Variants in DPP3 observed in about 807,000 individuals in gnomAD.
DPP3 encodes dipeptidyl peptidase 3.
Under a neutral mutation model 89.8 loss-of-function variants are expected in DPP3, and 64 were observed. That is an observed-to-expected ratio of 0.71 (90% confidence interval 0.58 to 0.88). The LOEUF (loss-of-function observed/expected upper bound fraction) is 0.88. Ranked by LOEUF, DPP3 falls within the 40% of genes least tolerant of loss-of-function variation. The pLI is 0.00. For synonymous variants in DPP3, 377 were observed against 404.3 expected, an observed-to-expected ratio of 0.93 and a Z score of 0.81; for missense variants, 835 against 972.5, an observed-to-expected ratio of 0.86 and a Z score of 1.88.
At chr11:66,483,380 T>C (rs369610348) in intron 2 of DPP3, among the ~76,000 whole-genome samples, 6 of 152,330 alleles carry the variant, frequency 3.9e-5, no homozygotes, top group South Asian at 4.1e-4. Context: ...TATGTGTATA[T>C]GCATGGTGAA....
chr11:66,495,900 C>A, intron 15 of DPP3, 150 bp downstream of exon 15: 1 of 1,333,846 alleles, frequency 7.5e-7, no homozygotes, highest in Non-Finnish European at 1.0e-6. Flanking sequence ...TCACATCACT[C>A]TTGTGAGCCC....
chr11:66,491,476 G>A lies in DPP3; in HGVS notation c.799-18G>A, dbSNP rs746101640. 96 of 1,597,024 alleles carry A rather than the reference G, an allele frequency of 6.0e-5. 1 individual carries two copies. Among genetic ancestry groups the A allele is most frequent in the Non-Finnish European group, 8.0e-5 (93 of 1,169,164 alleles). On this transcript the variant is annotated intron_variant, in intron 7 of 17. Coordinates refer to ENST00000531863, the MANE Select transcript of DPP3 (RefSeq NM_130443.4). Reference sequence around the variant, plus strand: ...GTGGGTGGGTGGCCCGAGGCTGACCGACCCCCGCTCACCTCAGGCCTATGC... The same window carrying A: ...GTGGGTGGGTGGCCCGAGGCTGACCAACCCCCGCTCACCTCAGGCCTATGC...
intron 16 of DPP3, among the ~76,000 whole-genome samples, chr11:66,502,215 A>T (rs1855695205): frequency 6.6e-6 from 1 of 151,990 alleles, no homozygotes; most frequent in African/African-American, 2.4e-5. Context: ...AATATCAAGG[A>T]TAGTGGTTTC....
rs1389448115 is a variant in DPP3 at position 66,509,285 on chromosome 11, G to C, written c.*34G>C. 2 of 1,577,010 alleles carry C rather than the reference G, an allele frequency of 1.3e-6. No homozygotes were observed. Among genetic ancestry groups the C allele is most frequent in the Non-Finnish European group, 8.6e-7 (1 of 1,160,420 alleles). ...TGTGGCCTTGCCCCCAATTCCATCA[G>C]ACCAAGGCTGCAAGTGGCCCTCCAT... On this transcript the variant is annotated 3_prime_UTR_variant, in exon 18 of 18. Coordinates refer to ENST00000531863, the MANE Select transcript of DPP3 (RefSeq NM_130443.4).
At position 66,491,588 on chromosome 11, in the gene DPP3, G is replaced by T. The variant is rs201367893; in HGVS notation, c.893G>T (p.Arg298Leu). The T allele has an allele frequency of 1.2e-6, 2 of 1,613,836 alleles. No homozygotes were observed. Among genetic ancestry groups the T allele is most frequent in the Non-Finnish European group, 1.7e-6 (2 of 1,179,834 alleles). ...ATCGAGGCCCACAAGAGGGGCTCCC[G>T]CTTCTGGATCCAGGACAAAGGCCCC... ...GSIEAHKRGS[R>L]FWIQDKGPIV... Residue 298 changes from arginine (R) to leucine (L), a missense_variant, in exon 8 of 18, where the codon CGC becomes CTC. By Grantham distance (102) the Arg-to-Leu change is moderately radical (BLOSUM62 -2). Coordinates refer to ENST00000531863, the MANE Select transcript of DPP3 (RefSeq NM_130443.4).
chr11:66,481,877 A>G (rs746857364), intron 1 of DPP3, among the ~76,000 whole-genome samples: 5 of 151,970 alleles, frequency 3.3e-5, no homozygotes, highest in Non-Finnish European at 7.4e-5. Context: ...TGAACTCTTG[A>G]CCTCAGGTGA....
chr11:66,496,219 T>C (rs1405440827), intron 15 of DPP3, among the ~76,000 whole-genome samples: 3 of 152,190 alleles, frequency 2.0e-5, no homozygotes, highest in Admixed American at 6.5e-5. Flanking sequence ...CCTTTGGATA[T>C]GGGGTAAGCA....
intron 2 of DPP3, chr11:66,483,290 G>A (rs1855138847): frequency 6.6e-6 from 1 of 152,220 alleles, no homozygotes; most frequent in African/African-American, 2.4e-5. Context: ...GCCTCCCAAA[G>A]TGCTGGGATT....
intron 15 of DPP3, among the ~76,000 whole-genome samples, chr11:66,495,964 G>A (rs56317637): frequency 0.019 from 2,947 of 152,252 alleles, 50 homozygotes; most frequent in Middle Eastern, 0.058. Context: ...ACCATTTCAC[G>A]GTGAATCAGA....
At chr11:66,492,421 A>C in intron 9 of DPP3, 1 of 343,802 alleles carries the variant, frequency 2.9e-6, no homozygotes, top group Non-Finnish European at 5.2e-6. Flanking sequence ...CTAAAGCTGG[A>C]GAGATTAGCC....
Position 66,486,729 on chromosome 11 carries a change from G to A in DPP3, c.498+52G>A, listed in dbSNP as rs773819513. 2.8e-6 allele frequency: 4 copies of A among 1,435,668 alleles called. No homozygotes were observed. The East Asian group carries it at 7.9e-5, about 28-fold the overall frequency. The allele number at this position is 1,435,668 out of a possible 1,614,324, so 88.9% of individuals were successfully genotyped here. A position where few individuals can be genotyped will look rare whatever the true frequency, so the allele number is the denominator to read the frequency against. ...ACAGGGAGTGGAGGGAATCCTTCAA[G>A]GCCACCTGGTAAGGAGGGAAGGACA... On this transcript the variant is annotated intron_variant, in intron 4 of 17. Transcript: ENST00000531863.
At chr11:66,486,261 G>A (rs565955928) in intron 3 of DPP3, among the ~76,000 whole-genome samples, 3 of 152,112 alleles carry the variant, frequency 2.0e-5, no homozygotes, top group African/African-American at 7.2e-5. Flanking sequence ...TTTATTCTTT[G>A]TAGAGATGGG....
At chr11:66,502,685 C>T (rs1243215556) in intron 16 of DPP3, among the ~76,000 whole-genome samples, 3 of 152,000 alleles carry the variant, frequency 2.0e-5, no homozygotes, top group Non-Finnish European at 4.4e-5. Flanking sequence ...AGGATGGTCT[C>T]GATCTCCTGA....
In DPP3 at chr11:66,491,585, C is replaced by T. The variant is rs1438946104; in HGVS notation, c.890C>T (p.Ser297Phe). 5 of 1,613,752 alleles carry T rather than the reference C, an allele frequency of 3.1e-6. No individual in the cohort carries two copies. The African/African-American group carries it at 5.3e-5, about 17-fold the overall frequency. Reference protein sequence around the residue: ...QGSIEAHKRGSRFWIQDKGPI... With the variant: ...QGSIEAHKRGFRFWIQDKGPI... ...TCCATCGAGGCCCACAAGAGGGGCT[C>T]CCGCTTCTGGATCCAGGACAAAGGC... is the stretch of plus-strand genomic sequence containing the variant. The change falls in exon 8 of 18, where the codon TCC (serine) becomes TTC (phenylalanine). Residue 297 changes from serine (S) to phenylalanine (F), a missense_variant. By Grantham distance (155) the Ser-to-Phe change is radical (BLOSUM62 -2). Coordinates refer to ENST00000531863, the MANE Select transcript of DPP3 (RefSeq NM_130443.4).
At chr11:66,507,950 T>TA (rs1429714208) in intron 17 of DPP3, among the ~76,000 whole-genome samples, 2 of 152,206 alleles carry the variant, frequency 1.3e-5, no homozygotes, top group East Asian at 3.8e-4. Flanking sequence ...GTGCTGGCAT[T>TA]ACAGGTGTGA....
At chr11:66,494,120 G>A (rs79737143) in intron 12 of DPP3, among the ~76,000 whole-genome samples, 1 of 152,130 alleles carries the variant, frequency 6.6e-6, no homozygotes, top group African/African-American at 2.4e-5. Context: ...TCCGGGTATC[G>A]TAGGGAGCCA....
chr11:66,492,951 C>T, intron 10 of DPP3, 41 bp downstream of exon 10: 1 of 1,596,860 alleles, frequency 6.3e-7, no homozygotes, highest in Non-Finnish European at 8.5e-7. Context: ...CAGAAACCTT[C>T]CTTTAGAGTC....
intron 17 of DPP3, 36 bp from the exon 18 acceptor site, chr11:66,509,043 C>A (rs1189574159): frequency 4.4e-6 from 7 of 1,608,716 alleles, no homozygotes; most frequent in Non-Finnish European, 5.1e-6. Context: ...CCTATTCAGA[C>A]CTTTCCCTGC....
At chr11:66,493,804 C>T (rs1408810669) in intron 12 of DPP3, among the ~76,000 whole-genome samples, 171 bp downstream of exon 12, 1 of 152,208 alleles carries the variant, frequency 6.6e-6, no homozygotes, top group African/African-American at 2.4e-5. Flanking sequence ...CTCAAGATGT[C>T]CCAGGAGCTC....
Sources: allele counts gnomAD v4.1 joint callset (sites outside exome capture counted in the v4.1 genomes callset), GRCh38; gene constraint gnomAD v4.1.1; transcripts MANE v1.5; gene names NCBI Gene and HGNC (gene_info 2026-07-23, HGNC 2026-07-21).